Variants in SMG1 observed in about 807,000 individuals in gnomAD.
The protein encoded by SMG1 is serine/threonine-protein kinase SMG1.
A neutral mutation model predicts 419.9 loss-of-function variants in SMG1; 22 were observed. The ratio of observed to expected loss-of-function variants is 0.05; its 90% CI spans 0.04 to 0.07. SMG1 has a LOEUF of 0.07. Ranked by LOEUF, SMG1 falls within the 10% of genes least tolerant of loss-of-function variation. SMG1 has a pLI of 1.00. For synonymous variants in SMG1, 1,538 were observed against 1,553.5 expected (o/e 0.99, Z 0.23); for missense variants, 3,185 against 4,342.0 (o/e 0.73, Z 7.49).
At chr16:18,905,166 C>A (rs1432832228) in intron 1 of SMG1, among the ~76,000 whole-genome samples, 7 of 152,114 alleles carry the variant, frequency 4.6e-5, no homozygotes. Context: ...GAGGCTGAAG[C>A]AGGAGAACCA....
At chr16:18,867,523 C>CG (rs1555498310) in intron 22 of SMG1, among the ~76,000 whole-genome samples, 1 of 118,998 alleles carries the variant, frequency 8.4e-6, no homozygotes, top group Non-Finnish European at 1.7e-5. Context: ...AACTGTGTCT[C>CG]AAAAAATAAA....
rs1652711948 is a variant in SMG1, at chr16:18,816,462, T to C, written c.10142A>G (p.Gln3381Arg). 3 of 1,613,988 alleles carry C rather than the reference T, an allele frequency of 1.9e-6. No individual in the cohort carries two copies. Among genetic ancestry groups the C allele is most frequent in the Non-Finnish European group, 1.7e-6 (2 of 1,179,874 alleles). Residue 3381 changes from glutamine (Q) to arginine (R), a missense_variant, in exon 58 of 63, where the codon CAG becomes CGG. Gln to Arg is a conservative substitution (Grantham distance 43). This residue lies in a region of SMG1 where 737 missense variants were observed against 846.6 expected (regional missense o/e 0.87). Transcript: ENST00000446231. ...AATTGCCCTCTGAGTAGACATATCC[T>C]GGGTCAACTGTTTGTGTGCTGACAA... is the stretch of plus-strand genomic sequence containing the variant. ...WLLSAHKQLTQDMSTQRAIQT... is the reference protein window; with the variant it reads ...WLLSAHKQLTRDMSTQRAIQT...
At chr16:18,843,302 CAA>C (rs1478635324) in intron 39 of SMG1, among the ~76,000 whole-genome samples, 1 of 152,082 alleles carries the variant, frequency 6.6e-6, no homozygotes, top group Non-Finnish European at 1.5e-5. Flanking sequence ...GAAGAAAAGA[CAA>C]AGACAAGTAA....
chr16:18,885,412 T>A (rs1299896234), intron 7 of SMG1, 129 bp downstream of exon 7: 5 of 1,227,172 alleles, frequency 4.1e-6, no homozygotes, highest in Non-Finnish European at 5.9e-6. Flanking sequence ...TATTTAACCC[T>A]GGAACCTCAA....
chr16:18,822,099 GTTGT>G (rs1158918264), intron 55 of SMG1, among the ~76,000 whole-genome samples: 1 of 2,082 alleles, frequency 4.8e-4, no homozygotes, highest in South Asian at 0.019. Context: ...TTTTGATGGG[GTTGT>G]TTGTTTTTTT....
rs2035167183 is a variant in SMG1, at chr16:18,860,675, T to A, written c.3797A>T (p.Glu1266Val). Residue 1266 changes from glutamate (E) to valine (V), a missense_variant, in exon 26 of 63, where the codon GAA (glutamate) becomes GTA (valine). By Grantham distance (121) the Glu-to-Val change is moderately radical. Coordinates refer to ENST00000446231, the MANE Select transcript of SMG1 (RefSeq NM_015092.5). ...ACTATTTTCTCAAATACCTATTTTT[T>A]CTTTTGATCCTCCAGCAAGTAGATT... ...NINLLAGGSK[E>V]KIDMKKLLPN... The A allele has an allele frequency of 6.7e-7, 1 of 1,490,948 alleles. No homozygotes were observed. The allele number at this position is 1,490,948 out of a possible 1,614,324, so 92.4% of individuals were successfully genotyped here. A position where few individuals can be genotyped will look rare whatever the true frequency, so the allele number is the denominator to read the frequency against.
intron 3 of SMG1, among the ~76,000 whole-genome samples, chr16:18,893,560 G>C (rs2141828950): frequency 6.6e-6 from 1 of 152,266 alleles, no homozygotes; most frequent in Non-Finnish European, 1.5e-5. Flanking sequence ...GGGAAGCGAA[G>C]GTTGCAGTGA....
chr16:18,894,635 G>A (rs1349019212), intron 3 of SMG1, among the ~76,000 whole-genome samples: 1 of 141,288 alleles, frequency 7.1e-6, no homozygotes, highest in Non-Finnish European at 1.5e-5. Flanking sequence ...AAAGCTACAG[G>A]CACAAAGATT....
rs564086265 is a variant in SMG1, at chr16:18,843,989, T to A, written c.6219+1440A>T. Reference sequence around the variant, plus strand: ...ATTCTTTAAATGTACAAAATCATTTTAAAAATTTTCTATGATTATACACAC... The same window carrying A: ...ATTCTTTAAATGTACAAAATCATTTAAAAAATTTTCTATGATTATACACAC... On this transcript the variant is annotated intron_variant, in intron 39 of 62. Coordinates refer to ENST00000446231, the MANE Select transcript of SMG1 (RefSeq NM_015092.5). Among the ~76,000 whole-genome samples the A allele has an allele frequency of 7.4e-5, 11 of 148,894 alleles. No individual in the cohort carries two copies. The East Asian group carries it at 1.4e-3, about 18-fold the overall frequency.
chr16:18,855,219 C>T (rs1402766847), intron 29 of SMG1, among the ~76,000 whole-genome samples: 2 of 151,890 alleles, frequency 1.3e-5, no homozygotes, highest in Admixed American at 6.6e-5. Context: ...TAAACCATCC[C>T]CCCGCACTTC....
intron 57 of SMG1, among the ~76,000 whole-genome samples, chr16:18,816,905 A>AC (rs1002714259): frequency 6.6e-6 from 1 of 152,188 alleles, no homozygotes; most frequent in Admixed American, 6.5e-5. Context: ...CGTCAAACTT[A>AC]CCAACTTGCT....
chr16:18,866,551 T>C, intron 23 of SMG1, 70 bp downstream of exon 23: 1 of 1,382,792 alleles, frequency 7.2e-7, no homozygotes, highest in African/African-American at 1.4e-5. Flanking sequence ...TTGGCTACAA[T>C]GTCAGTGAGT....
chr16:18,841,427 A>G, intron 41 of SMG1, 138 bp downstream of exon 41: 5 of 723,832 alleles, frequency 6.9e-6, no homozygotes, highest in Non-Finnish European at 2.2e-6. Flanking sequence ...AAGTACCTCA[A>G]AAATACTCTC....
chr16:18,901,828 G>A (rs1002334344), intron 1 of SMG1, among the ~76,000 whole-genome samples: 3 of 151,794 alleles, frequency 2.0e-5, no homozygotes, highest in African/African-American at 7.3e-5. Flanking sequence ...ACAAAAATTA[G>A]CCAGGCATGG....
chr16:18,819,401 G>A (rs550398972), intron 56 of SMG1, 101 bp downstream of exon 56: 186 of 1,283,784 alleles, frequency 1.4e-4, no homozygotes, highest in South Asian at 3.3e-4. Flanking sequence ...GAGCCAGAAC[G>A]TGGGCTCTCA....
At chr16:18,855,377 G>C (rs951013048) in intron 29 of SMG1, among the ~76,000 whole-genome samples, 6 of 152,058 alleles carry the variant, frequency 3.9e-5, no homozygotes, top group African/African-American at 1.4e-4. Flanking sequence ...TTTTCCCACT[G>C]CATACTCTCC....
At chr16:18,907,260 C>T (rs1439621003) in intron 1 of SMG1, among the ~76,000 whole-genome samples, 2 of 151,162 alleles carry the variant, frequency 1.3e-5, no homozygotes, top group Non-Finnish European at 2.9e-5. Flanking sequence ...CCAGCCTGGG[C>T]AACGAGAGAA....
intron 1 of SMG1, among the ~76,000 whole-genome samples, chr16:18,923,676 C>G (rs568874237): frequency 4.4e-4 from 67 of 151,452 alleles, no homozygotes; most frequent in African/African-American, 1.6e-3. Context: ...AAAACAGAAC[C>G]AAAACACCAG....
Position 18,812,305 on chromosome 16 carries a change from C to A in SMG1, c.10622-178G>T, listed in dbSNP as rs2031489828. 8.7e-6 allele frequency: 5 copies of A among 576,998 alleles called. No individual in the cohort carries two copies. In the Admixed American group the frequency reaches 1.4e-4, roughly 16 times the overall value. 35.7% of individuals were successfully genotyped at this position (576,998 alleles called of 1,614,324 possible). ...AAAATGTAGCCTAAAAACAGCCAGA[C>A]ATTCAGGTATGAATTTGTACAATTA... On this transcript the variant is annotated intron_variant, in intron 60 of 62. Transcript: ENST00000446231.
Sources: allele counts gnomAD v4.1 joint callset (sites outside exome capture counted in the v4.1 genomes callset), GRCh38; gene constraint gnomAD v4.1.1; regional missense constraint gnomAD v4.1.1; transcripts MANE v1.5; gene names NCBI Gene and HGNC (gene_info 2026-07-23, HGNC 2026-07-21).